Variants in NXPE4 observed in about 807,000 individuals in gnomAD.
NXPE4 encodes the protein neurexophilin and PC-esterase domain family member 4.
In NXPE4, 42 loss-of-function variants were observed where a neutral mutation model predicts 33.3. That is an observed-to-expected ratio of 1.26 (90% CI 0.98 to 1.63). NXPE4 has a LOEUF of 1.63. Ranked by LOEUF, NXPE4 falls within the 40% of genes most tolerant of loss-of-function variation. The probability of loss-of-function intolerance (pLI) is 0.00; values close to 1 mark genes in which losing one functional copy is unlikely to be tolerated. For missense variants in NXPE4, 709 were observed against 647.6 expected (o/e 1.09, Z -1.03); for synonymous variants, 253 against 234.9 (o/e 1.08, Z -0.71).
the NXPE4 span, among the ~76,000 whole-genome samples, chr11:114,601,548 T>TTATAATTATA: frequency 2.1e-5 from 2 of 94,266 alleles, no homozygotes; most frequent in Admixed American, 3.5e-4. Context: ...TATATATTAT[T>TTATAATTATA]TATAATTATA....
Position 114,571,150 on chromosome 11 carries a change from C to T in NXPE4, c.1423G>A (p.Glu475Lys). 6.2e-7 allele frequency: 1 copy of T among 1,613,868 alleles called. No homozygotes were observed. Among genetic ancestry groups the T allele is most frequent in the Non-Finnish European group, 8.5e-7 (1 of 1,179,856 alleles). Residue 475 changes from glutamate to lysine, a missense_variant, in exon 6 of 6, where the codon GAA becomes AAA. Glu to Lys is a moderately conservative substitution (Grantham distance 56). Coordinates refer to ENST00000375478, the MANE Select transcript of NXPE4 (RefSeq NM_001077639.2). ...TCATTGTACATCTCCCTGATGTTTT[C>T]TGTTTTGATGATAACCATAGTGTCT... ...SPDTMVIIKT[E>K]NIREMYNDAE...
chr11:114,623,665 C>T, the NXPE4 span, among the ~76,000 whole-genome samples: 1 of 152,080 alleles, frequency 6.6e-6, no homozygotes. Context: ...CCACTCTTAC[C>T]ATGTGGATAA....
At chr11:114,583,809 C>A in intron 2 of NXPE4, 1 of 430,868 alleles carries the variant, frequency 2.3e-6, no homozygotes, top group South Asian at 1.8e-5. Context: ...ATGGAAGAGG[C>A]CTTCTATATT....
At chr11:114,653,472 G>A in the NXPE4 span, among the ~76,000 whole-genome samples, 1 of 151,194 alleles carries the variant, frequency 6.6e-6, no homozygotes, top group African/African-American at 2.4e-5. Context: ...TTAACCCTTG[G>A]GTGCTTGTAC....
the NXPE4 span, among the ~76,000 whole-genome samples, chr11:114,627,888 G>A: frequency 6.6e-6 from 1 of 151,458 alleles, no homozygotes; most frequent in Non-Finnish European, 1.5e-5. Context: ...TGATAAAACA[G>A]ACTTTAAACC....
chr11:114,626,122 C>A, the NXPE4 span, among the ~76,000 whole-genome samples: 1 of 152,116 alleles, frequency 6.6e-6, no homozygotes, highest in African/African-American at 2.4e-5. Context: ...ATTGCCCAGG[C>A]TTGCTTAGGT....
the NXPE4 span, among the ~76,000 whole-genome samples, chr11:114,616,569 G>C: frequency 1.3e-5 from 2 of 151,400 alleles, no homozygotes; most frequent in Non-Finnish European, 2.9e-5. Context: ...TTGCCTCATG[G>C]GTAATCACTG....
the NXPE4 span, among the ~76,000 whole-genome samples, chr11:114,610,847 T>C: frequency 6.6e-6 from 1 of 151,538 alleles, no homozygotes; most frequent in Non-Finnish European, 1.5e-5. Context: ...GTATTGCCTC[T>C]AGGGTAACCA....
chr11:114,630,721 T>A, the NXPE4 span, among the ~76,000 whole-genome samples: 3 of 151,102 alleles, frequency 2.0e-5, no homozygotes, highest in Non-Finnish European at 4.4e-5. Flanking sequence ...GAAACTACCA[T>A]CAGAGTGAAC....
the NXPE4 span, among the ~76,000 whole-genome samples, chr11:114,605,732 C>T: frequency 6.6e-6 from 1 of 151,570 alleles, no homozygotes; most frequent in Non-Finnish European, 1.5e-5. Flanking sequence ...AACCACTTTG[C>T]CCAGTGGATA....
chr11:114,617,924 A>T, the NXPE4 span, among the ~76,000 whole-genome samples: 1 of 151,982 alleles, frequency 6.6e-6, no homozygotes, highest in Non-Finnish European at 1.5e-5. Context: ...AACCACTGTA[A>T]TCTGCTGCAT....
chr11:114,598,276 C>T (rs971659173), upstream of NXPE4, among the ~76,000 whole-genome samples: 24 of 152,230 alleles, frequency 1.6e-4, no homozygotes, highest in African/African-American at 5.8e-4. Flanking sequence ...CTGGGCAGCT[C>T]TGCCCCTGTG....
At chr11:114,623,986 G>A in the NXPE4 span, among the ~76,000 whole-genome samples, 3 of 152,148 alleles carry the variant, frequency 2.0e-5, no homozygotes, top group Admixed American at 6.5e-5. Flanking sequence ...TTGCCTCGTG[G>A]GTAACCACTG....
the NXPE4 span, among the ~76,000 whole-genome samples, chr11:114,622,804 G>T: frequency 6.6e-6 from 1 of 152,088 alleles, no homozygotes; most frequent in African/African-American, 2.4e-5. Flanking sequence ...AATTAGTATT[G>T]CCTCATGGGT....
intron 5 of NXPE4, among the ~76,000 whole-genome samples, chr11:114,578,059 T>C (rs574324077): frequency 1.3e-5 from 2 of 152,328 alleles, no homozygotes; most frequent in South Asian, 2.1e-4. Context: ...ATTAGACTTT[T>C]ATCAGAACAT....
chr11:114,666,432 A>C, the NXPE4 span, among the ~76,000 whole-genome samples: 2 of 152,148 alleles, frequency 1.3e-5, no homozygotes, highest in African/African-American at 4.8e-5. Flanking sequence ...ATTCAATTTG[A>C]TTATTACTAT....
intron 2 of NXPE4, among the ~76,000 whole-genome samples, chr11:114,588,058 C>T (rs1949349198): frequency 6.6e-6 from 1 of 152,194 alleles, no homozygotes; most frequent in Non-Finnish European, 1.5e-5. Flanking sequence ...ATTGCACAAT[C>T]AGCTCAGCTC....
the NXPE4 span, among the ~76,000 whole-genome samples, chr11:114,601,635 A>C: frequency 1.2e-5 from 1 of 80,638 alleles, no homozygotes; most frequent in East Asian, 3.8e-4. Flanking sequence ...TATTATTTAT[A>C]ATTATATATA....
At chr11:114,601,028 A>C in the NXPE4 span, among the ~76,000 whole-genome samples, 2 of 152,008 alleles carry the variant, frequency 1.3e-5, no homozygotes, top group African/African-American at 4.8e-5. Context: ...TGAACATTTC[A>C]AGTTGCCATC....
Sources: gnomAD v4.1 joint callset for allele counts (sites outside exome capture counted in the v4.1 genomes callset) on GRCh38, gnomAD v4.1.1 for gene constraint, MANE v1.5 for transcripts, NCBI Gene and HGNC (gene_info 2026-07-23, HGNC 2026-07-21) for gene names.